Variants in NOS3 observed in about 807,000 individuals in gnomAD.
The protein encoded by NOS3 is nitric oxide synthase 3, also known as NOS type III.
NOS3 carries 98 observed loss-of-function variants against 144.9 expected under a neutral mutation model. The ratio of observed to expected loss-of-function variants is 0.68; its 90% CI spans 0.57 to 0.80. The LOEUF is 0.80. NOS3 is among the 30% of genes least tolerant of loss of function. The pLI is 0.00. For synonymous variants in NOS3, 714 were observed against 702.4 expected (o/e 1.02, Z -0.26); for missense variants, 1,465 against 1,656.4 (o/e 0.88, Z 2.01).
chr7:151,004,848 GTTTGT>G (rs1214944490), intron 14 of NOS3, among the ~76,000 whole-genome samples: 6 of 149,958 alleles, frequency 4.0e-5, no homozygotes, highest in Non-Finnish European at 5.9e-5. Flanking sequence ...ATGTTTGTTT[GTTTGT>G]TTGTTTGTTT....
Position 151,006,526 on chromosome 7 carries a change from G to T in NOS3, c.1820+32G>T, listed in dbSNP as rs952759269. 1.3e-5 allele frequency: 21 copies of T among 1,567,716 alleles called. No individual in the cohort carries two copies. The East Asian group carries it at 4.7e-4, about 35-fold the overall frequency. On this transcript the variant is annotated intron_variant, in intron 15 of 26. Coordinates refer to ENST00000297494, the MANE Select transcript of NOS3 (RefSeq NM_000603.5). ...TGGGTGAGAGTTTGGGGGAGCTGGG[G>T]GAGCTGATGCATTTGGAGACACAAA...
rs1473367753 is a variant in NOS3 at position 151,003,724 on chromosome 7, T to A, written c.1752+1420T>A. 1 of 495,144 alleles carries A rather than the reference T, an allele frequency of 2.0e-6. No homozygotes were observed. Among genetic ancestry groups the A allele is most frequent in the Non-Finnish European group, 4.0e-6 (1 of 248,438 alleles). The allele number at this position is 495,144 out of a possible 1,614,324, so 30.7% of individuals were successfully genotyped here. A position where few individuals can be genotyped will look rare whatever the true frequency, so the allele number is the denominator to read the frequency against. ...CGCCTGCTCTAGAACGGCACCTAGA[T>A]GGAAGCACGCAGTGTTGCGGCGTCT... On this transcript the variant is annotated intron_variant, in intron 14 of 26. Coordinates refer to ENST00000297494, the MANE Select transcript of NOS3 (RefSeq NM_000603.5). This position sits in a 1 kb window ranked among gnomAD's most constrained non-coding sequence, Gnocchi z 4.1.
intron 14 of NOS3, among the ~76,000 whole-genome samples, chr7:151,004,295 C>T (rs983082215): frequency 6.6e-6 from 1 of 152,194 alleles, no homozygotes; most frequent in African/African-American, 2.4e-5. Flanking sequence ...GAGATCACGC[C>T]ACTGCACTCC....
chr7:150,996,940 C>A lies in NOS3; in HGVS notation c.582+15C>A, dbSNP rs374001545. 6.1e-5 allele frequency: 95 copies of A among 1,550,198 alleles called. No individual in the cohort carries two copies. In the East Asian group the frequency reaches 2.2e-3, roughly 35 times the overall value. On this transcript the variant is annotated intron_variant, in intron 5 of 26. Transcript: ENST00000297494. ...GGAAGCTGCAGGTGCGGCTGGCCAGCGACTGAGAGACCCGGGCGCTACCAA... is the reference window on the plus strand; with the variant it reads ...GGAAGCTGCAGGTGCGGCTGGCCAGAGACTGAGAGACCCGGGCGCTACCAA...
At position 151,008,938 on chromosome 7, in the gene NOS3, T is replaced by C. The variant is rs761198267; in HGVS notation, c.2121T>C (p.Cys707=). 28 of 1,608,798 alleles carry C rather than the reference T, an allele frequency of 1.7e-5. No homozygotes were observed. The highest frequency in any genetic ancestry group is 3.3e-5 in the South Asian group (3 of 90,208). The change falls in exon 18 of 27, where the codon TGT becomes TGC. Residue 707 remains cysteine (C), a synonymous_variant. Transcript: ENST00000297494. ...GWAQAAFQAA[C]ETFCVGEDAK... is the part of the protein sequence containing the mutation. ...ACCGGCCTGTCCCGCAGGCCGCCTG[T>C]GAGACCTTCTGTGTGGGAGAGGATG...
rs1405391710 is a variant in NOS3 at position 151,013,803 on chromosome 7, T to C, written c.3335T>C (p.Phe1112Ser). 1 of 1,610,800 alleles carries C rather than the reference T, an allele frequency of 6.2e-7. No individual in the cohort carries two copies. The change falls in exon 26 of 27, where the codon TTT (phenylalanine) becomes TCT (serine). Residue 1112 changes from phenylalanine to serine, a missense_variant. By Grantham distance (155) the Phe-to-Ser change is radical (BLOSUM62 -2). Transcript: ENST00000297494. ...RVLCLERGHM[F>S]VCGDVTMATN... ...CTGTGCCTCGAGCGGGGCCACATGT[T>C]TGTCTGCGGCGATGTTACCATGGCA...
intron 20 of NOS3, 54 bp downstream of exon 20, chr7:151,009,639 C>A (rs1795263984): frequency 1.4e-6 from 2 of 1,417,500 alleles, no homozygotes; most frequent in South Asian, 2.8e-5. Flanking sequence ...CCCAGCCCCA[C>A]CCCCGGCCCC....
chr7:151,005,761 A>T (rs1207027721), intron 14 of NOS3, among the ~76,000 whole-genome samples: 5 of 152,238 alleles, frequency 3.3e-5, no homozygotes, highest in Non-Finnish European at 7.3e-5. Context: ...CAATGTAGCC[A>T]CTAAAAAGAC....
chr7:151,013,956 C>T, intron 26 of NOS3, 38 bp downstream of exon 26: 1 of 1,604,076 alleles, frequency 6.2e-7, no homozygotes, highest in Non-Finnish European at 8.5e-7. Context: ...GTGCGGGGTT[C>T]CTGCTAAGGT....
Position 150,996,488 on chromosome 7 carries a change from G to T in NOS3, c.355G>T (p.Ala119Ser). ...GGGCCGGCCCTCCCCCGGCCCCCCG[G>T]CCCCTGAGCAGCTGCTGAGTCAGGC... ...LQGRPSPGPP[A>S]PEQLLSQARD... is the part of the protein sequence containing the mutation. The change falls in exon 4 of 27, where the codon GCC (alanine) becomes TCC (serine). Residue 119 changes from alanine to serine, a missense_variant. Coordinates refer to ENST00000297494, the MANE Select transcript of NOS3 (RefSeq NM_000603.5). 1 of 1,602,498 alleles carries T rather than the reference G, an allele frequency of 6.2e-7. No homozygotes were observed. The highest frequency in any genetic ancestry group is 2.3e-5 in the East Asian group (1 of 44,428).
intron 24 of NOS3, 187 bp from the exon 25 acceptor site, chr7:151,013,042 CTG>C: frequency 3.2e-6 from 2 of 632,762 alleles, no homozygotes; most frequent in Non-Finnish European, 5.3e-6. Flanking sequence ...TCCCTTCCCT[CTG>C]TAAATCAGGG....
intron 5 of NOS3, among the ~76,000 whole-genome samples, chr7:150,997,351 C>G (rs2117106633): frequency 6.6e-6 from 1 of 152,194 alleles, no homozygotes. Flanking sequence ...GTAGCAGGAG[C>G]AGCCTCCTGG....
At chr7:150,996,156 T>C (rs866252939) in intron 3 of NOS3, among the ~76,000 whole-genome samples, 2 of 630 alleles carry the variant, frequency 3.2e-3, no homozygotes. Context: ...CCATCCCACC[T>C]CTGCACCCCT....
chr7:151,003,292 A>G lies in NOS3; in HGVS notation c.1752+988A>G. 1.9e-6 allele frequency: 1 copy of G among 519,432 alleles called. No homozygotes were observed. Among genetic ancestry groups the G allele is most frequent in the Non-Finnish European group, 3.5e-6 (1 of 288,598 alleles). The allele number at this position is 519,432 out of a possible 1,614,324, so 32.2% of individuals were successfully genotyped here. ...AGGCGCATGCCATGATGCCTAGCTA[A>G]TTTTTGTATTTTTTATAGAGATGGG... On this transcript the variant is annotated intron_variant, in intron 14 of 26. Transcript: ENST00000297494. The surrounding 1 kb of genome is among the most constrained non-coding windows in gnomAD (Gnocchi z 4.1).
chr7:151,009,174 C>A lies in NOS3; in HGVS notation c.2246-15C>A, dbSNP rs1409584799. 5.6e-6 allele frequency: 9 copies of A among 1,613,732 alleles called. No individual in the cohort carries two copies. The highest frequency in any genetic ancestry group is 1.3e-5 in the African/African-American group (1 of 74,894). ...CCTAGCTCAGGCTGCCTCATTTGCC[C>A]CTCCCCGCCCCCAGGTCTGATCCAC... On this transcript the variant is annotated splice_polypyrimidine_tract_variant and intron_variant, in intron 18 of 26. Transcript: ENST00000297494.
chr7:151,001,252 GACC>G lies in NOS3; in HGVS notation c.1261_1263del (p.His421del). The G allele has an allele frequency of 6.2e-7, 1 of 1,613,514 alleles. No individual in the cohort carries two copies. Among genetic ancestry groups the G allele is most frequent in the Non-Finnish European group, 8.5e-7 (1 of 1,179,954 alleles). ...CCAGCTAGCCAAAGTCACCATCGTG[GACC>G]ACCACGCCGCCACGGCCTCTTTCAT... On this transcript the variant is annotated inframe_deletion, in exon 11 of 27. Transcript: ENST00000297494.
chr7:150,995,071 G>A (rs1431216877), intron 2 of NOS3, 132 bp from the exon 3 acceptor site: 2 of 574,624 alleles, frequency 3.5e-6, no homozygotes, highest in Non-Finnish European at 6.4e-6. Context: ...CTAAGGCATG[G>A]GGAACGCCAG....
chr7:151,010,516 G>T (rs1038248146), intron 21 of NOS3, 81 bp from the exon 22 acceptor site: 1 of 1,359,130 alleles, frequency 7.4e-7, no homozygotes, highest in Non-Finnish European at 1.0e-6. Context: ...CCCTAAAGAG[G>T]CTCAGTGGGG....
Position 150,995,219 on chromosome 7 carries a change from C to G in NOS3, c.175C>G (p.Leu59Val). 1 of 1,609,294 alleles carries G rather than the reference C, an allele frequency of 6.2e-7. No individual in the cohort carries two copies. Among genetic ancestry groups the G allele is most frequent in the Non-Finnish European group, 8.5e-7 (1 of 1,177,252 alleles). The change falls in exon 3 of 27, where the codon CTA (leucine) becomes GTA (valine). Residue 59 changes from leucine (L) to valine (V), a missense_variant. Physicochemically the swap from Leu to Val is conservative, Grantham distance 32. Transcript: ENST00000297494. Reference protein sequence around the residue: ...APEHSPPSSPLTQPPEGPKFP... With the variant: ...APEHSPPSSPVTQPPEGPKFP... ...TCCCAACAGCCCCCCGAGCTCCCCG[C>G]TAACCCAGCCCCCAGAGGGGCCCAA...
Sources: allele counts gnomAD v4.1 joint callset (sites outside exome capture counted in the v4.1 genomes callset), GRCh38; gene constraint gnomAD v4.1.1; non-coding constraint Gnocchi (gnomAD v3.1); transcripts MANE v1.5; gene names NCBI Gene and HGNC (gene_info 2026-07-23, HGNC 2026-07-21).